The following CARD8 variants were observed in gnomAD, a reference collection of about 807,000 sequenced individuals.
CARD8 encodes caspase recruitment domain-containing protein 8.
CARD8 carries 38 observed loss-of-function variants against 53.2 expected under a neutral mutation model. The observed-to-expected ratio is 0.71, with a 90% CI of 0.55 to 0.94. The LOEUF is 0.94. Ranked by LOEUF, CARD8 falls within the 40% of genes least tolerant of loss-of-function variation. The pLI is 0.00. For synonymous variants in CARD8, 245 were observed against 244.9 expected (o/e 1.00, Z 0.00); for missense variants, 561 against 655.5 (o/e 0.86, Z 1.57).
chr19:48,235,867 CTG>C (rs1009881066), intron 5 of CARD8, among the ~76,000 whole-genome samples: 5 of 150,746 alleles, frequency 3.3e-5, no homozygotes, highest in African/African-American at 4.9e-5. Flanking sequence ...AAGAAAATAA[CTG>C]AGGAATTATT....
At chr19:48,224,632 A>T (rs866735104) in intron 10 of CARD8, among the ~76,000 whole-genome samples, 37 of 152,180 alleles carry the variant, frequency 2.4e-4, no homozygotes, top group African/African-American at 8.9e-4. Flanking sequence ...TTTGAAGTGA[A>T]GAAGAGGTTT....
At chr19:48,215,678 ACAGT>A (rs1445780022) in intron 12 of CARD8, among the ~76,000 whole-genome samples, 6 of 152,226 alleles carry the variant, frequency 3.9e-5, no homozygotes, top group African/African-American at 1.4e-4. Context: ...TACATAAATT[ACAGT>A]CAAAGTGTTT....
chr19:48,241,098 T>TC, intron 3 of CARD8, 35 bp from the exon 4 acceptor site: 1 of 1,124,532 alleles, frequency 8.9e-7, no homozygotes, highest in East Asian at 2.6e-5. Flanking sequence ...TTTAGGTACT[T>TC]GGGAAGAACC....
At chr19:48,251,446 C>G (rs1285605193) in intron 1 of CARD8, among the ~76,000 whole-genome samples, 2 of 151,972 alleles carry the variant, frequency 1.3e-5, no homozygotes, top group African/African-American at 2.4e-5. Flanking sequence ...GAGGTTTGTT[C>G]CCTCTTTCAT....
chr19:48,247,038 T>C (rs963498658), intron 3 of CARD8, among the ~76,000 whole-genome samples: 22 of 152,268 alleles, frequency 1.4e-4, no homozygotes, highest in African/African-American at 5.3e-4. Flanking sequence ...ATAAATACAA[T>C]TGAGGCCAGG....
intron 13 of CARD8, among the ~76,000 whole-genome samples, chr19:48,214,769 CTTTTTTTTTTTTTTTTTTTTTT>C (rs531199248): frequency 1.1e-5 from 1 of 89,564 alleles, no homozygotes; most frequent in Non-Finnish European, 2.0e-5. Flanking sequence ...TGCTATAAAG[CTTTTTTTTTTTTTTTTTTTTTT>C]TTTTTTTTTT....
At chr19:48,214,310 C>A (rs1170646716) in intron 13 of CARD8, among the ~76,000 whole-genome samples, 1 of 152,192 alleles carries the variant, frequency 6.6e-6, no homozygotes, top group Non-Finnish European at 1.5e-5. Flanking sequence ...GCAGTTGTTA[C>A]ACCGTCTCTC....
chr19:48,238,609 G>A (rs1215399014), intron 4 of CARD8, 77 bp from the exon 5 acceptor site: 16 of 1,341,040 alleles, frequency 1.2e-5, no homozygotes, highest in Admixed American at 2.1e-5. Flanking sequence ...TCACTGTGAT[G>A]TAGCGAAAGT....
intron 11 of CARD8, among the ~76,000 whole-genome samples, chr19:48,220,920 A>T: frequency 8.3e-6 from 1 of 121,102 alleles, no homozygotes; most frequent in Admixed American, 9.4e-5. Flanking sequence ...AAAAAGAAGG[A>T]AAGAAAGAGA....
chr19:48,246,091 G>C (rs1426172198), intron 3 of CARD8, among the ~76,000 whole-genome samples: 3 of 152,084 alleles, frequency 2.0e-5, no homozygotes, highest in Non-Finnish European at 4.4e-5. Flanking sequence ...TCCCTCCTTA[G>C]ATTCCTCCAG....
chr19:48,230,979 A>G lies in CARD8; in HGVS notation c.570T>C (p.Tyr190=). 1 of 1,614,122 alleles carries G rather than the reference A, an allele frequency of 6.2e-7. No individual in the cohort carries two copies. The highest frequency in any genetic ancestry group is 8.5e-7 in the Non-Finnish European group (1 of 1,179,988). Residue 190 remains tyrosine, a synonymous_variant, in exon 9 of 14, where the codon TAT becomes TAC. Coordinates refer to ENST00000651546, the MANE Select transcript of CARD8 (RefSeq NM_001184900.3). The part of the protein sequence containing the change: ...YSVWFPTAGW[Y]LWSATGLGFL... ...AGCCGAGGCCTGTGGCTGACCACAG[A>G]TACCAGCCAGCAGTGGGGAACCAAA...
At chr19:48,234,234 T>G (rs2043442819) in intron 6 of CARD8, 169 bp downstream of exon 6, 1 of 628,304 alleles carries the variant, frequency 1.6e-6, no homozygotes. Context: ...AAAACCTCAT[T>G]GCTTAAGGTT....
At chr19:48,233,685 C>A in intron 6 of CARD8, 1 of 218,088 alleles carries the variant, frequency 4.6e-6, no homozygotes, top group South Asian at 5.9e-5. Context: ...GACAGCGCAT[C>A]CCAGATCATG....
At position 48,219,789 on chromosome 19, in the gene CARD8, T is replaced by C. The variant is rs144345461; in HGVS notation, c.1162-777A>G. Among the ~76,000 whole-genome samples the C allele has an allele frequency of 3.2e-3, 481 of 152,024 alleles. 2 individuals carry two copies. The highest frequency in any genetic ancestry group is 0.011 in the African/African-American group (456 of 41,450). ...GCTCAAGACCAGCCTGGCCAATATG[T>C]TGAAACCCCCATCTCTACTAAAAAT... On this transcript the variant is annotated intron_variant, in intron 11 of 13. Transcript: ENST00000651546.
chr19:48,244,234 A>G (rs1479487870), intron 3 of CARD8, among the ~76,000 whole-genome samples: 2 of 152,170 alleles, frequency 1.3e-5, no homozygotes, highest in African/African-American at 4.8e-5. Flanking sequence ...TACTTCTGAA[A>G]TGAACAAGGC....
chr19:48,223,156 T>C (rs2145831514), intron 10 of CARD8, among the ~76,000 whole-genome samples: 1 of 151,856 alleles, frequency 6.6e-6, no homozygotes, highest in South Asian at 2.1e-4. Flanking sequence ...ATACAAAAAT[T>C]AGCTGGGCGT....
rs1324794908 is a variant in CARD8, at chr19:48,210,543, A to G, written c.*1167T>C. 3.3e-5 allele frequency: 5 copies of G among 152,190 alleles called. No individual in the cohort carries two copies. Among genetic ancestry groups the G allele is most frequent in the Non-Finnish European group, 7.4e-5 (5 of 68,024 alleles). 9.4% of individuals were successfully genotyped at this position (152,190 alleles called of 1,614,324 possible). A position where few individuals can be genotyped will look rare whatever the true frequency, so the allele number is the denominator to read the frequency against. ...TTAAGATACAGAAAGATTATGTAGA[A>G]GATAACTATATCCTAGATGAGAAAA... is the stretch of plus-strand genomic sequence containing the variant. On this transcript the variant is annotated 3_prime_UTR_variant, in exon 14 of 14. Transcript: ENST00000651546.
At chr19:48,237,230 T>C (rs61290678) in intron 5 of CARD8, among the ~76,000 whole-genome samples, 6,039 of 151,826 alleles carry the variant, frequency 0.04, 388 homozygotes, top group African/African-American at 0.13. Flanking sequence ...GTTTAACTCA[T>C]GGTGGAAGGT....
At position 48,210,870 on chromosome 19, in the gene CARD8, C is replaced by G. The variant is rs1344071515; in HGVS notation, c.*840G>C. 1 of 152,342 alleles carries G rather than the reference C, an allele frequency of 6.6e-6. No individual in the cohort carries two copies. Among genetic ancestry groups the G allele is most frequent in the Non-Finnish European group, 1.5e-5 (1 of 68,034 alleles). 9.4% of individuals were successfully genotyped at this position (152,342 alleles called of 1,614,324 possible). A position where few individuals can be genotyped will look rare whatever the true frequency, so the allele number is the denominator to read the frequency against. ...TGCCACGAAAACATTAATCAAAAGA[C>G]AGCTGAAATGGCTACAAAATGACAG... On this transcript the variant is annotated 3_prime_UTR_variant, in exon 14 of 14. Coordinates refer to ENST00000651546, the MANE Select transcript of CARD8 (RefSeq NM_001184900.3).
Sources: allele counts gnomAD v4.1 joint callset (sites outside exome capture counted in the v4.1 genomes callset), GRCh38; gene constraint gnomAD v4.1.1; transcripts MANE v1.5; gene names NCBI Gene and HGNC (gene_info 2026-07-23, HGNC 2026-07-21).